ASAP2: variants seen among roughly 807,000 people sequenced by gnomAD.
The protein encoded by ASAP2 is arf-GAP with SH3 domain, ANK repeat and PH domain-containing protein 2.
ASAP2 carries 45 observed loss-of-function variants against 131.4 expected under a neutral mutation model. The observed-to-expected ratio is 0.34, with a 90% CI of 0.27 to 0.44. ASAP2 has a LOEUF of 0.44. ASAP2 is among the 20% of genes least tolerant of loss of function. ASAP2 has a pLI of 1.00. For missense variants in ASAP2, 1,011 were observed against 1,297.0 expected (o/e 0.78, Z 3.39); for synonymous variants, 510 against 503.0 (o/e 1.01, Z -0.19).
intron 3 of ASAP2, among the ~76,000 whole-genome samples, chr2:9,304,354 C>T (rs1382721534): frequency 6.6e-5 from 10 of 152,074 alleles, no homozygotes; most frequent in South Asian, 6.2e-4. Context: ...ACAACTGCCA[C>T]GATGTAGGTG....
rs138176579 is a variant in ASAP2, at chr2:9,240,782, C to T, written c.126+33552C>T. On this transcript the variant is annotated intron_variant, in intron 1 of 27. Transcript: ENST00000281419. ...ACTTAAAGGAAGTGCTGTATGATTT[C>T]TCCTTGGCATATCTGCATTACCAGC... Among the ~76,000 whole-genome samples, 481 of 152,310 alleles carry T rather than the reference C, an allele frequency of 3.2e-3. 3 individuals carry two copies. The highest frequency in any genetic ancestry group is 9.9e-3 in the African/African-American group (413 of 41,560).
chr2:9,332,001 G>C (rs554369004), intron 7 of ASAP2, among the ~76,000 whole-genome samples: 1 of 152,126 alleles, frequency 6.6e-6, no homozygotes, highest in African/African-American at 2.4e-5. Context: ...TGGCGTGAAG[G>C]CTGCAGGAGG....
At chr2:9,361,177 T>C (rs1334565674) in intron 15 of ASAP2, among the ~76,000 whole-genome samples, 2 of 152,226 alleles carry the variant, frequency 1.3e-5, no homozygotes, top group Non-Finnish European at 2.9e-5. Flanking sequence ...TTAATCAATG[T>C]CTGCAGATAT....
At chr2:9,244,472 G>A (rs577988002) in intron 1 of ASAP2, among the ~76,000 whole-genome samples, 6 of 152,286 alleles carry the variant, frequency 3.9e-5, no homozygotes, top group Non-Finnish European at 7.4e-5. Context: ...TGAGTTTCAC[G>A]GTGTGAACAG....
Position 9,232,346 on chromosome 2 carries a change from C to T in ASAP2, c.126+25116C>T, listed in dbSNP as rs1663229891. ...TCCCTGCCTGTTCTGTGAAGTTCAG[C>T]CCAGTGCCCCTTCCTTGGAGGCCAC... On this transcript the variant is annotated intron_variant, in intron 1 of 27. Coordinates refer to ENST00000281419, the MANE Select transcript of ASAP2 (RefSeq NM_003887.3). This position sits in a 1 kb window ranked among gnomAD's most constrained non-coding sequence, Gnocchi z 4.1. 6.6e-6 allele frequency among the ~76,000 whole-genome samples: 1 copy of T among 152,182 alleles called. No individual in the cohort carries two copies. The highest frequency in any genetic ancestry group is 2.4e-5 in the African/African-American group (1 of 41,450).
chr2:9,400,281 C>T (rs1189525704), intron 25 of ASAP2, among the ~76,000 whole-genome samples: 1 of 29,226 alleles, frequency 3.4e-5, no homozygotes, highest in Admixed American at 2.2e-4. Context: ...TCCTTCCTTC[C>T]CTCCTTCCTT....
chr2:9,375,094 G>A (rs2148716453), intron 17 of ASAP2, 150 bp downstream of exon 17: 4 of 414,194 alleles, frequency 9.7e-6, no homozygotes, highest in Non-Finnish European at 1.2e-5. Flanking sequence ...CCATAGGGAG[G>A]CCCCATCTCT....
chr2:9,237,780 G>C (rs370407285), intron 1 of ASAP2, among the ~76,000 whole-genome samples: 3 of 152,182 alleles, frequency 2.0e-5, no homozygotes, highest in East Asian at 3.9e-4. Flanking sequence ...TTGCTCACCT[G>C]GTGGAGTACA....
intron 5 of ASAP2, among the ~76,000 whole-genome samples, chr2:9,321,214 TA>T (rs530763176): frequency 0.015 from 2,276 of 150,204 alleles, 25 homozygotes; most frequent in Middle Eastern, 0.028. Flanking sequence ...TTAGATTGTT[TA>T]AAAAAAAAAT....
At chr2:9,260,304 G>A (rs1665487443) in intron 1 of ASAP2, among the ~76,000 whole-genome samples, 1 of 152,244 alleles carries the variant, frequency 6.6e-6, no homozygotes, top group African/African-American at 2.4e-5. Flanking sequence ...AGGATGAGGT[G>A]GGATCCAGAA....
At chr2:9,375,814 G>A (rs948766112) in intron 17 of ASAP2, among the ~76,000 whole-genome samples, 1 of 152,212 alleles carries the variant, frequency 6.6e-6, no homozygotes, top group African/African-American at 2.4e-5. Flanking sequence ...TCATGCTAAC[G>A]AGAGAAGCTC....
At position 9,393,657 on chromosome 2, in the gene ASAP2, C is replaced by A. The variant is rs1189121748; in HGVS notation, c.2684+10C>A. ...AGAAGCCTGCGCCGGGGTAAGCCAC[C>A]CCCAGCCAGCTCGGCCATCCGTGCT... On this transcript the variant is annotated intron_variant, in intron 24 of 27. Transcript: ENST00000281419. 1.3e-6 allele frequency: 2 copies of A among 1,557,090 alleles called. No individual in the cohort carries two copies. The highest frequency in any genetic ancestry group is 2.3e-5 in the South Asian group (2 of 85,468).
chr2:9,240,094 G>C (rs997454886), intron 1 of ASAP2, among the ~76,000 whole-genome samples: 4 of 152,002 alleles, frequency 2.6e-5, no homozygotes, highest in Admixed American at 1.3e-4. Context: ...TTTCACAGTT[G>C]ATCTTCACAG....
chr2:9,252,958 C>T (rs570938763), intron 1 of ASAP2, among the ~76,000 whole-genome samples: 5 of 151,548 alleles, frequency 3.3e-5, no homozygotes, highest in South Asian at 4.2e-4. Context: ...GCAGATAGTG[C>T]GTGGGCCCAA....
At chr2:9,278,796 G>A (rs776763149) in intron 1 of ASAP2, among the ~76,000 whole-genome samples, 1 of 152,112 alleles carries the variant, frequency 6.6e-6, no homozygotes, top group Non-Finnish European at 1.5e-5. Flanking sequence ...TCTGAGGCTC[G>A]GGAAGCAATA....
At chr2:9,337,790 A>G (rs1671312236) in intron 9 of ASAP2, among the ~76,000 whole-genome samples, 1 of 152,114 alleles carries the variant, frequency 6.6e-6, no homozygotes, top group Admixed American at 6.6e-5. Context: ...ATCACTGGCC[A>G]TTCATGTTTT....
chr2:9,329,654 A>G (rs1385397208), intron 7 of ASAP2, among the ~76,000 whole-genome samples: 1 of 152,206 alleles, frequency 6.6e-6, no homozygotes, highest in Non-Finnish European at 1.5e-5. Flanking sequence ...TGTGCAGACC[A>G]GAGATGACGA....
At chr2:9,348,110 TTTTGTCTG>T (rs1471410558) in intron 11 of ASAP2, among the ~76,000 whole-genome samples, 93 of 41,678 alleles carry the variant, frequency 2.2e-3, no homozygotes, top group East Asian at 6.3e-3. Flanking sequence ...GATGACACTT[TTTTGTCTG>T]TTTGTTTGTT....
chr2:9,278,179 G>A (rs1365380758), intron 1 of ASAP2, among the ~76,000 whole-genome samples: 1 of 152,168 alleles, frequency 6.6e-6, no homozygotes, highest in Non-Finnish European at 1.5e-5. Context: ...CGCTATCCCA[G>A]TTCACAAATG....
Sources: gnomAD v4.1 joint callset for allele counts (sites outside exome capture counted in the v4.1 genomes callset) on GRCh38, gnomAD v4.1.1 for gene constraint, Gnocchi (gnomAD v3.1) non-coding constraint, MANE v1.5 for transcripts, NCBI Gene and HGNC (gene_info 2026-07-23, HGNC 2026-07-21) for gene names.